Variants in NUP133 observed in about 807,000 individuals in gnomAD.
NUP133 encodes nuclear pore complex protein Nup133.
Under a neutral mutation model 146.2 loss-of-function variants are expected in NUP133, and 66 were observed. The observed-to-expected ratio is 0.45, with a 90% CI of 0.37 to 0.55. NUP133 has a LOEUF of 0.55. Among genes scored for constraint, NUP133 ranks in the 20% least tolerant of loss-of-function variants. NUP133 has a pLI of 0.00. For synonymous variants in NUP133, 521 were observed against 498.8 expected (o/e 1.04, Z -0.59); for missense variants, 1,277 against 1,374.8 (o/e 0.93, Z 1.12).
chr1:229,493,527 AC>A (rs1407062256), intron 8 of NUP133, among the ~76,000 whole-genome samples: 1 of 152,240 alleles, frequency 6.6e-6, no homozygotes, highest in African/African-American at 2.4e-5. Context: ...CAAATGGACA[AC>A]AAATCAGTAG....
chr1:229,457,601 AT>A (rs1167414035), intron 21 of NUP133, among the ~76,000 whole-genome samples: 2 of 152,056 alleles, frequency 1.3e-5, no homozygotes, highest in Non-Finnish European at 2.9e-5. Context: ...TTTTGTTTTA[AT>A]TTTGCATTAT....
chr1:229,505,576 A>AC (rs1468544327), intron 2 of NUP133, among the ~76,000 whole-genome samples: 1 of 147,482 alleles, frequency 6.8e-6, no homozygotes, highest in East Asian at 1.9e-4. Flanking sequence ...AAAAAAAAAA[A>AC]AAAAAAAAAA....
intron 24 of NUP133, among the ~76,000 whole-genome samples, chr1:229,447,648 A>C (rs988702235): frequency 6.0e-5 from 9 of 151,246 alleles, no homozygotes; most frequent in Non-Finnish European, 1.3e-4. Flanking sequence ...TTAATCAATC[A>C]TGTCTACATA....
chr1:229,468,443 A>G (rs1320554945), intron 15 of NUP133, among the ~76,000 whole-genome samples: 1 of 152,236 alleles, frequency 6.6e-6, no homozygotes, highest in East Asian at 1.9e-4. Flanking sequence ...ACCAACGAAC[A>G]TCATGAGAAA....
chr1:229,476,767 T>C (rs1332655757), intron 13 of NUP133, among the ~76,000 whole-genome samples: 2 of 151,748 alleles, frequency 1.3e-5, no homozygotes, highest in African/African-American at 2.4e-5. Context: ...CTACTAAAAA[T>C]ACAAAAATTA....
chr1:229,495,659 A>G, intron 7 of NUP133, 94 bp from the exon 8 acceptor site: 5 of 987,024 alleles, frequency 5.1e-6, no homozygotes, highest in East Asian at 2.5e-5. Context: ...TGCTTCACCC[A>G]TAACTCAGTT....
In NUP133 at chr1:229,506,356, ATAGACTC is replaced by A. The variant is rs1661935927; in HGVS notation, c.183-205_183-199del. ...TTTAGGAAAACTTGGCTTCAATCCC[ATAGACTC>A]TAGTATTGAAATGCATGCCTGTATT... On this transcript the variant is annotated intron_variant, in intron 1 of 25. Coordinates refer to ENST00000261396, the MANE Select transcript of NUP133 (RefSeq NM_018230.3). 1.3e-5 allele frequency among the ~76,000 whole-genome samples: 2 copies of A among 151,798 alleles called. 1 individual carries two copies. Among genetic ancestry groups the A allele is most frequent in the South Asian group, 4.2e-4 (2 of 4,812 alleles).
At chr1:229,465,781 T>C (rs1660796106) in intron 16 of NUP133, among the ~76,000 whole-genome samples, 1 of 151,170 alleles carries the variant, frequency 6.6e-6, no homozygotes, top group Non-Finnish European at 1.5e-5. Context: ...TCCCAGCTAC[T>C]TGGGAGACTG....
Position 229,441,873 on chromosome 1 carries a change from T to A in NUP133, c.*31A>T, listed in dbSNP as rs748668207. On this transcript the variant is annotated 3_prime_UTR_variant, in exon 26 of 26. Transcript: ENST00000261396. ...TTGTATAAGGACACACTTATACAGA[T>A]TTCATAAACAATGGCCATTTTTAGA... The A allele has an allele frequency of 2.0e-6, 3 of 1,531,172 alleles. No homozygotes were observed. In the South Asian group the frequency reaches 3.8e-5, roughly 19 times the overall value. 94.8% of individuals were successfully genotyped at this position (1,531,172 alleles called of 1,614,324 possible). A position where few individuals can be genotyped will look rare whatever the true frequency, so the allele number is the denominator to read the frequency against.
intron 21 of NUP133, among the ~76,000 whole-genome samples, chr1:229,454,597 C>T (rs6667230): frequency 0.028 from 4,203 of 152,250 alleles, 162 homozygotes; most frequent in African/African-American, 0.086. Flanking sequence ...AAAAGTCTAT[C>T]CCCTCCGATT....
intron 24 of NUP133, among the ~76,000 whole-genome samples, chr1:229,446,159 C>G (rs1412164996): frequency 6.6e-6 from 1 of 152,170 alleles, no homozygotes; most frequent in Non-Finnish European, 1.5e-5. Context: ...GTAATCCCAG[C>G]ACTTTGGGAG....
Position 229,502,029 on chromosome 1 carries a change from A to T in NUP133, c.375T>A (p.Ile125=). 6.2e-7 allele frequency: 1 copy of T among 1,613,896 alleles called. No homozygotes were observed. The highest frequency in any genetic ancestry group is 8.5e-7 in the Non-Finnish European group (1 of 1,179,814). ...TAATAGGTGACAGAGCAATCTTCCA[A>T]ATAATGAGCTTCTCTTTGCACACCA... ...ACLVCKEKLI[I]WKIALSPITK... is the part of the protein sequence containing the mutation. Residue 125 remains isoleucine (I), a synonymous_variant, in exon 3 of 26, where the codon ATT becomes ATA. Transcript: ENST00000261396.
At chr1:229,469,125 T>C (rs1461339341) in intron 15 of NUP133, among the ~76,000 whole-genome samples, 2 of 151,780 alleles carry the variant, frequency 1.3e-5, no homozygotes, top group African/African-American at 4.8e-5. Flanking sequence ...CCAAATAGAG[T>C]TTGAAGTTCC....
At chr1:229,498,487 C>G (rs1661713479) in intron 5 of NUP133, among the ~76,000 whole-genome samples, 181 bp from the exon 6 acceptor site, 1 of 152,056 alleles carries the variant, frequency 6.6e-6, no homozygotes, top group African/African-American at 2.4e-5. Context: ...TATTATTAAT[C>G]CTACATAGAA....
chr1:229,499,666 G>A lies in NUP133; in HGVS notation c.648+18C>T, dbSNP rs1436590524. The A allele has an allele frequency of 1.3e-6, 2 of 1,590,692 alleles. No homozygotes were observed. Among genetic ancestry groups the A allele is most frequent in the Non-Finnish European group, 8.5e-7 (1 of 1,170,096 alleles). ...ATCACAGCTTTCCAATAAATATAAA[G>A]GAATATCCGTGGTATACCTGCACTG... On this transcript the variant is annotated intron_variant, in intron 5 of 25. Coordinates refer to ENST00000261396, the MANE Select transcript of NUP133 (RefSeq NM_018230.3).
intron 21 of NUP133, among the ~76,000 whole-genome samples, chr1:229,454,662 C>T (rs943359218): frequency 6.6e-6 from 1 of 152,124 alleles, no homozygotes; most frequent in African/African-American, 2.4e-5. Context: ...ATGTTCCCAT[C>T]GCGTTAAGAA....
intron 12 of NUP133, among the ~76,000 whole-genome samples, chr1:229,482,819 G>A (rs1353889801): frequency 6.6e-6 from 1 of 152,168 alleles, no homozygotes; most frequent in Admixed American, 6.5e-5. Context: ...TGCCACTCTA[G>A]AACCCTGTGA....
In NUP133 at chr1:229,495,394, A is replaced by C. The variant is rs911667797; in HGVS notation, c.1046+101T>G. 3.8e-6 allele frequency: 3 copies of C among 796,562 alleles called. No individual in the cohort carries two copies. In the East Asian group the frequency reaches 7.8e-5, roughly 21 times the overall value. The allele number at this position is 796,562 out of a possible 1,614,324, so 49.3% of individuals were successfully genotyped here. A position where few individuals can be genotyped will look rare whatever the true frequency, so the allele number is the denominator to read the frequency against. ...TGATAGAGTGAGACCCTGTCTCCAA[A>C]GAAAGAGCACATAGTGAGATTGCTC... is the stretch of plus-strand genomic sequence containing the variant. On this transcript the variant is annotated intron_variant, in intron 8 of 25. Transcript: ENST00000261396.
At chr1:229,447,547 G>A (rs562110500) in intron 24 of NUP133, among the ~76,000 whole-genome samples, 5 of 151,916 alleles carry the variant, frequency 3.3e-5, no homozygotes, top group African/African-American at 9.6e-5. Context: ...CTGGTCACCA[G>A]AAAAAGCATA....
Sources: allele counts gnomAD v4.1 joint callset (sites outside exome capture counted in the v4.1 genomes callset), GRCh38; gene constraint gnomAD v4.1.1; transcripts MANE v1.5; gene names NCBI Gene and HGNC (gene_info 2026-07-23, HGNC 2026-07-21).